PDE5A: variants seen among roughly 807,000 people sequenced by gnomAD.
PDE5A encodes phosphodiesterase 5A.
Under a neutral mutation model 110.2 loss-of-function variants are expected in PDE5A, and 67 were observed. That is an observed-to-expected ratio of 0.61 (90% confidence interval 0.50 to 0.75). The LOEUF is 0.75. Among genes scored for constraint, PDE5A ranks in the 30% least tolerant of loss-of-function variants. The pLI is 0.00. For missense variants in PDE5A, 862 were observed against 1,045.1 expected, an observed-to-expected ratio of 0.82 and a Z score of 2.42; for synonymous variants, 328 against 351.2, an observed-to-expected ratio of 0.93 and a Z score of 0.74.
At chr4:119,509,145 A>G (rs559130301) in intron 15 of PDE5A, among the ~76,000 whole-genome samples, 1 of 152,210 alleles carries the variant, frequency 6.6e-6, no homozygotes, top group South Asian at 2.1e-4. Flanking sequence ...TACACTAAAA[A>G]TAACATGGAT....
At chr4:119,609,143 C>G (rs920217147) in intron 1 of PDE5A, among the ~76,000 whole-genome samples, 3 of 151,046 alleles carry the variant, frequency 2.0e-5, no homozygotes, top group Non-Finnish European at 4.4e-5. Context: ...GCCTGGGCTA[C>G]AGTTCGAGAC....
intron 3 of PDE5A, among the ~76,000 whole-genome samples, chr4:119,588,632 A>G (rs1728858224): frequency 6.6e-6 from 1 of 152,082 alleles, no homozygotes; most frequent in Admixed American, 6.5e-5. Flanking sequence ...AAATGAGCAG[A>G]CACAATCATA....
At chr4:119,599,988 A>C (rs1392615525) in intron 2 of PDE5A, among the ~76,000 whole-genome samples, 1 of 152,174 alleles carries the variant, frequency 6.6e-6, no homozygotes, top group East Asian at 1.9e-4. Flanking sequence ...ACTACTATCA[A>C]CTGATAGTGG....
intron 3 of PDE5A, among the ~76,000 whole-genome samples, chr4:119,592,455 T>TGAAAA (rs1729009172): frequency 3.3e-5 from 1 of 30,428 alleles, no homozygotes; most frequent in Non-Finnish European, 5.9e-5. Flanking sequence ...GAGACTCTGT[T>TGAAAA]TAAAAAAAAA....
chr4:119,583,943 T>G (rs1728672186), intron 3 of PDE5A, among the ~76,000 whole-genome samples: 1 of 152,216 alleles, frequency 6.6e-6, no homozygotes, highest in Non-Finnish European at 1.5e-5. Context: ...CATGTTTGTA[T>G]GCTGATGAGC....
At chr4:119,544,441 C>CA (rs907142466) in intron 9 of PDE5A, among the ~76,000 whole-genome samples, 3 of 152,180 alleles carry the variant, frequency 2.0e-5, no homozygotes, top group African/African-American at 7.2e-5. Context: ...CTGTGTGTGG[C>CA]AAAAAACAAG....
At chr4:119,581,148 T>C (rs139237042) in intron 3 of PDE5A, among the ~76,000 whole-genome samples, 475 of 152,340 alleles carry the variant, frequency 3.1e-3, no homozygotes, top group African/African-American at 0.011. Flanking sequence ...AATTACAGTA[T>C]AGAGTGGTGT....
chr4:119,566,226 A>G (rs1164885952), intron 4 of PDE5A, among the ~76,000 whole-genome samples: 2 of 152,090 alleles, frequency 1.3e-5, no homozygotes, highest in Non-Finnish European at 2.9e-5. Context: ...CTATGTTCTG[A>G]AGCAATTATA....
intron 3 of PDE5A, among the ~76,000 whole-genome samples, chr4:119,576,356 C>T (rs1481563078): frequency 6.6e-6 from 1 of 152,184 alleles, no homozygotes; most frequent in Non-Finnish European, 1.5e-5. Flanking sequence ...ATCTACAGAA[C>T]TCTCCACCCC....
At chr4:119,582,344 G>A (rs1341271893) in intron 3 of PDE5A, among the ~76,000 whole-genome samples, 5 of 152,252 alleles carry the variant, frequency 3.3e-5, no homozygotes, top group African/African-American at 9.6e-5. Flanking sequence ...ATGAGATTGC[G>A]GCAATTCAGT....
Position 119,625,726 on chromosome 4 carries a change from CT to C in PDE5A, c.152+2793del, listed in dbSNP as rs201846344. The stretch of plus-strand genomic sequence containing the variant: ...AAAAGCAAAGTAATGTGAGCTCCTA[CT>C]TTTAAAAAAAAAAATCCTTAGCTGT... On this transcript the variant is annotated intron_variant, in intron 1 of 20. Coordinates refer to ENST00000354960, the MANE Select transcript of PDE5A (RefSeq NM_001083.4). 4.4e-3 allele frequency among the ~76,000 whole-genome samples: 655 copies of C among 148,294 alleles called. 1 individual carries two copies. Among genetic ancestry groups the C allele is most frequent in the African/African-American group, 0.011 (463 of 40,574 alleles).
chr4:119,500,967 C>T (rs181947614), intron 20 of PDE5A: 4 of 536,460 alleles, frequency 7.5e-6, no homozygotes, highest in Non-Finnish European at 1.3e-5. Flanking sequence ...TGGAGATTAG[C>T]ACATAGTAGG....
intron 9 of PDE5A, chr4:119,550,493 A>G (rs3822194): frequency 0.27 from 41,217 of 152,140 alleles, 5,642 homozygotes; most frequent in East Asian, 0.38. Context: ...CGCTAACACA[A>G]TGCTGTGAGT....
At chr4:119,577,786 A>G (rs1324253163) in intron 3 of PDE5A, among the ~76,000 whole-genome samples, 1 of 152,250 alleles carries the variant, frequency 6.6e-6, no homozygotes, top group African/African-American at 2.4e-5. Context: ...CAAGACAGGG[A>G]TGCCCTCTCT....
In PDE5A at chr4:119,508,009, C is replaced by A. The variant is rs543046592; in HGVS notation, c.2089-305G>T. Reference sequence around the variant, plus strand: ...ATCCTTTTCCGTAGGGCAGACTAATCGCTATAATTTAACAGCATGTAAAAC... The same window carrying A: ...ATCCTTTTCCGTAGGGCAGACTAATAGCTATAATTTAACAGCATGTAAAAC... On this transcript the variant is annotated intron_variant, in intron 15 of 20. Transcript: ENST00000354960. Among the ~76,000 whole-genome samples the A allele has an allele frequency of 1.1e-4, 17 of 151,546 alleles. 1 individual carries two copies. The highest frequency in any genetic ancestry group is 1.1e-3 in the Admixed American group (16 of 15,144).
In PDE5A at chr4:119,495,070, C is replaced by T. The variant is rs1725012502; in HGVS notation, c.*3531G>A. The T allele has an allele frequency of 6.6e-6, 1 of 152,414 alleles. No homozygotes were observed. Among genetic ancestry groups the T allele is most frequent in the Non-Finnish European group, 1.5e-5 (1 of 68,024 alleles). 9.4% of individuals were successfully genotyped at this position (152,414 alleles called of 1,614,324 possible). A position where few individuals can be genotyped will look rare whatever the true frequency, so the allele number is the denominator to read the frequency against. ...CTATCAGCAGGTTAAGTGATTCATA[C>T]TTGCAAAAAGACAGGATGTTTGTTT... On this transcript the variant is annotated 3_prime_UTR_variant, in exon 21 of 21. Transcript: ENST00000354960.
chr4:119,571,083 G>C (rs931923623), intron 3 of PDE5A, among the ~76,000 whole-genome samples: 1 of 152,138 alleles, frequency 6.6e-6, no homozygotes, highest in African/African-American at 2.4e-5. Context: ...TGTTAGGCTT[G>C]GGAATCCCAC....
intron 19 of PDE5A, among the ~76,000 whole-genome samples, chr4:119,501,927 C>T (rs576637609): frequency 6.6e-6 from 1 of 151,452 alleles, no homozygotes; most frequent in East Asian, 2.0e-4. Flanking sequence ...GCAGTGTTCA[C>T]TATTACAAAC....
At chr4:119,522,342 T>C (rs532214815) in intron 12 of PDE5A, among the ~76,000 whole-genome samples, 1 of 152,166 alleles carries the variant, frequency 6.6e-6, no homozygotes, top group African/African-American at 2.4e-5. Context: ...CATATCTGAA[T>C]AGAGTCTGTC....
Sources: gnomAD v4.1 joint callset for allele counts (sites outside exome capture counted in the v4.1 genomes callset) on GRCh38, gnomAD v4.1.1 for gene constraint, MANE v1.5 for transcripts, NCBI Gene and HGNC (gene_info 2026-07-23, HGNC 2026-07-21) for gene names.